The following DNAH8 variants were observed in gnomAD, a reference collection of about 807,000 sequenced individuals.
The protein encoded by DNAH8 is dynein axonemal heavy chain 8.
In DNAH8, 382 loss-of-function variants were observed where a neutral mutation model predicts 562.1. That is an observed-to-expected ratio of 0.68 (90% CI 0.63 to 0.74). DNAH8 has a LOEUF of 0.74. DNAH8 is among the 30% of genes least tolerant of loss of function. DNAH8 has a pLI of 0.00. For missense variants in DNAH8, 5,203 were observed against 5,620.4 expected, an observed-to-expected ratio of 0.93 and a Z score of 2.37; for synonymous variants, 1,881 against 1,919.4, an observed-to-expected ratio of 0.98 and a Z score of 0.52.
intron 29 of DNAH8, among the ~76,000 whole-genome samples, chr6:38,827,972 A>C (rs1773510048): frequency 6.6e-6 from 1 of 152,052 alleles, no homozygotes; most frequent in African/African-American, 2.4e-5. Context: ...CTAGGTGCTT[A>C]TTAAATGCAG....
At chr6:38,804,511 C>T (rs1771073263) in intron 22 of DNAH8, among the ~76,000 whole-genome samples, 1 of 152,170 alleles carries the variant, frequency 6.6e-6, no homozygotes, top group Non-Finnish European at 1.5e-5. Context: ...CCAGCTGCTG[C>T]TCAGGGAAGT....
intron 37 of DNAH8, 106 bp from the exon 38 acceptor site, chr6:38,850,145 C>A: frequency 1.9e-6 from 2 of 1,030,232 alleles, no homozygotes; most frequent in Non-Finnish European, 1.4e-6. Flanking sequence ...CAGCCTGAGA[C>A]TAATAGAGGC....
chr6:38,966,635 A>G lies in DNAH8; in HGVS notation c.12452-4957A>G, dbSNP rs192248351. 3.9e-3 allele frequency among the ~76,000 whole-genome samples: 595 copies of G among 152,316 alleles called. 5 individuals are homozygous for G. The highest frequency in any genetic ancestry group is 6.8e-3 in the Middle Eastern group (2 of 294). On this transcript the variant is annotated intron_variant, in intron 82 of 92. Transcript: ENST00000327475. ...CCATATAAAAACATTATACACTATG[A>G]CCAAGTGAATTAATCCCAGGAGTAT...
At chr6:38,983,569 A>C (rs143239856) in intron 86 of DNAH8, among the ~76,000 whole-genome samples, 3 of 152,376 alleles carry the variant, frequency 2.0e-5, no homozygotes, top group Non-Finnish European at 4.4e-5. Context: ...TTTAACCAAG[A>C]AAAAGTAAAC....
chr6:38,910,848 T>C (rs1410332408), intron 65 of DNAH8, among the ~76,000 whole-genome samples: 1 of 152,222 alleles, frequency 6.6e-6, no homozygotes, highest in Non-Finnish European at 1.5e-5. Flanking sequence ...TAAATAATTT[T>C]ATAGTACGTG....
chr6:38,778,625 T>C (rs1768288122), intron 14 of DNAH8, among the ~76,000 whole-genome samples, 161 bp downstream of exon 14: 1 of 152,202 alleles, frequency 6.6e-6, no homozygotes, highest in Non-Finnish European at 1.5e-5. Flanking sequence ...GGTAAAGATT[T>C]GAAATAAAGA....
intron 8 of DNAH8, among the ~76,000 whole-genome samples, chr6:38,747,092 T>C (rs1029342117): frequency 8.5e-5 from 13 of 152,180 alleles, no homozygotes; most frequent in Non-Finnish European, 1.0e-4. Context: ...ATGATAATAA[T>C]AGCAGCTAAC....
intron 11 of DNAH8, among the ~76,000 whole-genome samples, chr6:38,764,957 C>T (rs925519949): frequency 2.6e-5 from 4 of 152,142 alleles, no homozygotes; most frequent in Non-Finnish European, 5.9e-5. Context: ...GTTTCAGCCT[C>T]CTGAGTAGCT....
chr6:38,958,893 A>G (rs928967863), intron 82 of DNAH8, among the ~76,000 whole-genome samples: 11 of 152,312 alleles, frequency 7.2e-5, no homozygotes, highest in African/African-American at 2.4e-4. Context: ...AAAATCCTCA[A>G]CAAAATACTA....
chr6:38,849,026 T>G (rs1775532061), intron 37 of DNAH8, among the ~76,000 whole-genome samples: 1 of 152,156 alleles, frequency 6.6e-6, no homozygotes, highest in African/African-American at 2.4e-5. Context: ...ACAGCAGAGT[T>G]GAGTAGTTAT....
chr6:38,953,876 A>G (rs995562924), intron 82 of DNAH8, among the ~76,000 whole-genome samples: 1 of 150,440 alleles, frequency 6.6e-6, no homozygotes, highest in Non-Finnish European at 1.5e-5. Context: ...GGGGGAAACT[A>G]TGGTCTGGAG....
chr6:38,852,637 A>G (rs550374520), intron 39 of DNAH8, 57 bp from the exon 40 acceptor site: 9 of 1,257,656 alleles, frequency 7.2e-6, no homozygotes, highest in Non-Finnish European at 1.0e-5. Context: ...GCTTTTAAAA[A>G]CATCTCAGCG....
chr6:38,948,590 C>T (rs568890758), intron 80 of DNAH8, among the ~76,000 whole-genome samples: 47 of 152,256 alleles, frequency 3.1e-4, no homozygotes, highest in Non-Finnish European at 4.6e-4. Context: ...CTGCCCGCCT[C>T]GGCCTCCCAA....
intron 74 of DNAH8, among the ~76,000 whole-genome samples, chr6:38,929,018 A>C (rs1408440902): frequency 6.6e-6 from 1 of 152,214 alleles, no homozygotes; most frequent in Non-Finnish European, 1.5e-5. Context: ...AATTCTTCCC[A>C]GTGCCAATAG....
At chr6:38,748,468 T>C (rs1312853932) in intron 8 of DNAH8, among the ~76,000 whole-genome samples, 1 of 152,168 alleles carries the variant, frequency 6.6e-6, no homozygotes, top group Non-Finnish European at 1.5e-5. Flanking sequence ...CCCATTGTTT[T>C]TCAAAATGGT....
At chr6:38,738,746 G>A (rs1764303745) in intron 7 of DNAH8, among the ~76,000 whole-genome samples, 1 of 152,156 alleles carries the variant, frequency 6.6e-6, no homozygotes, top group African/African-American at 2.4e-5. Flanking sequence ...GGGCTGTGCA[G>A]TTAGAGTGGC....
At chr6:38,854,812 T>A (rs954524841) in intron 41 of DNAH8, among the ~76,000 whole-genome samples, 1 of 150,862 alleles carries the variant, frequency 6.6e-6, no homozygotes, top group Non-Finnish European at 1.5e-5. Context: ...TTTTCAGGAT[T>A]TTCTCTAGTG....
intron 47 of DNAH8, among the ~76,000 whole-genome samples, chr6:38,867,827 A>G (rs1455251616): frequency 6.6e-6 from 1 of 152,088 alleles, no homozygotes; most frequent in Non-Finnish European, 1.5e-5. Context: ...ATTATTCTCA[A>G]AAGATATTTA....
At position 38,852,779 on chromosome 6, in the gene DNAH8, G is replaced by T; in HGVS notation, c.5552G>T (p.Arg1851Ile). The T allele has an allele frequency of 1.2e-6, 2 of 1,612,060 alleles. No homozygotes were observed. The highest frequency in any genetic ancestry group is 1.7e-6 in the Non-Finnish European group (2 of 1,179,034). Reference sequence around the variant, plus strand: ...GATCGCATCATGGCCGTCATATCAAGAGAAGGAGAAAAAATTGTTGTAATT... The same window carrying T: ...GATCGCATCATGGCCGTCATATCAATAGAAGGAGAAAAAATTGTTGTAATT... ...DYDRIMAVISREGEKIVLDNS... is the reference protein window; with the variant it reads ...DYDRIMAVISIEGEKIVLDNS... Residue 1851 changes from arginine to isoleucine, a missense_variant, in exon 40 of 93, where the codon AGA becomes ATA. By Grantham distance (97) the Arg-to-Ile change is moderately conservative (BLOSUM62 -3). This residue lies in a region of DNAH8 where 2,176 missense variants were observed against 2,365.1 expected (regional missense o/e 0.92). Coordinates refer to ENST00000327475, the MANE Select transcript of DNAH8 (RefSeq NM_001206927.2).
Sources: gnomAD v4.1 joint callset for allele counts (sites outside exome capture counted in the v4.1 genomes callset) on GRCh38, gnomAD v4.1.1 for gene constraint, gnomAD v4.1.1 regional missense constraint, MANE v1.5 for transcripts, NCBI Gene and HGNC (gene_info 2026-07-23, HGNC 2026-07-21) for gene names.